The following MED27 variants were observed in gnomAD, a reference collection of about 807,000 sequenced individuals.
MED27 encodes the protein mediator of RNA polymerase II transcription subunit 27.
MED27 carries 30 observed loss-of-function variants against 38.2 expected under a neutral mutation model. The ratio of observed to expected loss-of-function variants is 0.79; its 90% CI spans 0.59 to 1.07. The LOEUF (loss-of-function observed/expected upper bound fraction) is 1.07. Ranked by LOEUF, MED27 falls within the 50% of genes least tolerant of loss-of-function variation. The pLI is 0.00. For missense variants in MED27, 289 were observed against 397.5 expected (o/e 0.73, Z 2.32); for synonymous variants, 122 against 153.5 (o/e 0.79, Z 1.52).
chr9:131,999,568 G>A (rs1469375174), intron 3 of MED27, among the ~76,000 whole-genome samples: 1 of 152,132 alleles, frequency 6.6e-6, no homozygotes, highest in East Asian at 1.9e-4. Context: ...TTAAGGGAAG[G>A]TTATTCATCA....
At chr9:131,919,826 T>TG (rs397719148) in intron 4 of MED27, among the ~76,000 whole-genome samples, 1 of 151,278 alleles carries the variant, frequency 6.6e-6, no homozygotes, top group Non-Finnish European at 1.5e-5. Flanking sequence ...TTTTTTTTTT[T>TG]GAGATAGGGT....
intron 1 of MED27, among the ~76,000 whole-genome samples, chr9:132,077,926 C>T (rs1834089556): frequency 1.3e-5 from 2 of 152,176 alleles, no homozygotes; most frequent in Admixed American, 1.3e-4. Context: ...TGTGGTATAA[C>T]ACTGCCTCTC....
chr9:131,972,089 C>T (rs1280591968), intron 3 of MED27, among the ~76,000 whole-genome samples: 1 of 152,218 alleles, frequency 6.6e-6, no homozygotes, highest in Non-Finnish European at 1.5e-5. Context: ...CTAGTACAGA[C>T]AGCTTCTAAT....
chr9:131,929,814 C>A (rs1405563265), intron 4 of MED27, among the ~76,000 whole-genome samples: 1 of 152,242 alleles, frequency 6.6e-6, no homozygotes, highest in Non-Finnish European at 1.5e-5. Context: ...CCTAGGGGAA[C>A]TTGCTACCCT....
chr9:131,948,993 C>A (rs1830937091), intron 3 of MED27, among the ~76,000 whole-genome samples: 1 of 152,206 alleles, frequency 6.6e-6, no homozygotes, highest in Non-Finnish European at 1.5e-5. Flanking sequence ...AACGTATAAA[C>A]CAACCTGCCT....
chr9:131,870,486 A>C (rs1838812479), intron 6 of MED27, among the ~76,000 whole-genome samples: 1 of 152,206 alleles, frequency 6.6e-6, no homozygotes, highest in Non-Finnish European at 1.5e-5. Flanking sequence ...GGGACTTCTA[A>C]GTCAGGGGGC....
At chr9:131,956,986 T>A (rs1831117874) in intron 3 of MED27, among the ~76,000 whole-genome samples, 1 of 152,170 alleles carries the variant, frequency 6.6e-6, no homozygotes, top group South Asian at 2.1e-4. Flanking sequence ...ATGCAAAATG[T>A]ACTTGGCCTG....
At chr9:131,867,855 C>T (rs1456098464) in intron 6 of MED27, among the ~76,000 whole-genome samples, 3 of 152,154 alleles carry the variant, frequency 2.0e-5, no homozygotes, top group South Asian at 2.1e-4. Context: ...AGGGGTGGAG[C>T]GTTGGCACTG....
At chr9:131,869,265 T>C (rs927736748) in intron 6 of MED27, 2 of 985,468 alleles carry the variant, frequency 2.0e-6, no homozygotes, top group African/African-American at 3.5e-5. Flanking sequence ...ACAGGAGAAC[T>C]TCACCTACAG....
intron 4 of MED27, among the ~76,000 whole-genome samples, chr9:131,932,189 CTG>C (rs1830602109): frequency 6.6e-6 from 1 of 151,626 alleles, no homozygotes; most frequent in South Asian, 2.1e-4. Context: ...TCTGACCACA[CTG>C]GAATAAAATT....
intron 4 of MED27, among the ~76,000 whole-genome samples, chr9:131,906,205 A>T (rs1265952273): frequency 1.3e-5 from 2 of 152,242 alleles, no homozygotes; most frequent in African/African-American, 4.8e-5. Flanking sequence ...CTGAGCAGGG[A>T]ATACAACAAC....
At chr9:131,941,507 C>T (rs954992745) in intron 3 of MED27, among the ~76,000 whole-genome samples, 2 of 152,064 alleles carry the variant, frequency 1.3e-5, no homozygotes, top group African/African-American at 4.8e-5. Context: ...AGTTTTAAAA[C>T]TTTAAGCTGA....
intron 6 of MED27, among the ~76,000 whole-genome samples, chr9:131,866,814 C>A (rs1838744191): frequency 6.6e-6 from 1 of 152,234 alleles, no homozygotes; most frequent in Non-Finnish European, 1.5e-5. Context: ...GCTCTCATGG[C>A]TTTCCCTGCA....
At chr9:131,992,011 G>A (rs1405899021) in intron 3 of MED27, among the ~76,000 whole-genome samples, 1 of 152,160 alleles carries the variant, frequency 6.6e-6, no homozygotes, top group Non-Finnish European at 1.5e-5. Flanking sequence ...GTGAGCCACC[G>A]CGCTCAGCCA....
At position 131,870,622 on chromosome 9, in the gene MED27, C is replaced by T. The variant is rs368436710; in HGVS notation, c.724-7482G>A. ...GACTCTATGCCCCAAGCCTCATGGG[C>T]CCCCCACTCCAGGCCTCTTGGGGTG... On this transcript the variant is annotated intron_variant, in intron 6 of 7. Transcript: ENST00000292035. 2.8e-4 allele frequency among the ~76,000 whole-genome samples: 42 copies of T among 152,220 alleles called. No homozygotes were observed. The East Asian group carries it at 6.9e-3, about 25-fold the overall frequency.
chr9:132,056,936 C>A (rs1262070079), intron 2 of MED27, among the ~76,000 whole-genome samples: 1 of 152,162 alleles, frequency 6.6e-6, no homozygotes, highest in Non-Finnish European at 1.5e-5. Context: ...GCCATCGTGC[C>A]CTGACAAGTA....
chr9:131,905,990 T>C (rs1282176733), intron 4 of MED27, among the ~76,000 whole-genome samples: 1 of 152,076 alleles, frequency 6.6e-6, no homozygotes, highest in African/African-American at 2.4e-5. Context: ...TGAAGAAGTG[T>C]ATAAATACAG....
intron 6 of MED27, among the ~76,000 whole-genome samples, chr9:131,866,678 GAC>G (rs1489295164): frequency 2.0e-5 from 3 of 152,244 alleles, no homozygotes; most frequent in Non-Finnish European, 2.9e-5. Flanking sequence ...TGGGGATAAT[GAC>G]AGAGTGCCTA....
chr9:132,031,770 G>T (rs559774450), intron 2 of MED27: 1 of 151,758 alleles, frequency 6.6e-6, no homozygotes, highest in African/African-American at 2.4e-5. Flanking sequence ...ATGTTCCTTG[G>T]ATGAAAATAA....
Sources: gnomAD v4.1 joint callset for allele counts (sites outside exome capture counted in the v4.1 genomes callset) on GRCh38, gnomAD v4.1.1 for gene constraint, MANE v1.5 for transcripts, NCBI Gene and HGNC (gene_info 2026-07-23, HGNC 2026-07-21) for gene names.